The following CFAP299 variants were observed in gnomAD, a reference collection of about 807,000 sequenced individuals.
The protein encoded by CFAP299 is cilia- and flagella-associated protein 299.
Under a neutral mutation model 27.0 loss-of-function variants are expected in CFAP299, and 21 were observed. The observed-to-expected ratio is 0.78, with a 90% CI of 0.55 to 1.12. CFAP299 has a LOEUF of 1.12. Among genes scored for constraint, CFAP299 ranks in the 50% most tolerant of loss-of-function variants. The pLI, the probability that CFAP299 is intolerant of heterozygous loss-of-function variation, is 0.00. For synonymous variants in CFAP299, 104 were observed against 98.1 expected (o/e 1.06, Z -0.36); for missense variants, 310 against 276.6 (o/e 1.12, Z -0.86).
chr4:80,616,646 G>T (rs1170302280), intron 3 of CFAP299, among the ~76,000 whole-genome samples: 2 of 151,922 alleles, frequency 1.3e-5, no homozygotes, highest in Admixed American at 6.6e-5. Flanking sequence ...TTCCTGGGGG[G>T]CCCTAAGCAT....
intron 3 of CFAP299, among the ~76,000 whole-genome samples, chr4:80,800,209 TAA>T (rs1305519043): frequency 1.4e-5 from 1 of 73,744 alleles, no homozygotes. Context: ...ATATAATATA[TAA>T]TATATATTAT....
rs760438865 is a variant in CFAP299, at chr4:80,576,187, TAA to T, written c.243-6896_243-6895del. On this transcript the variant is annotated intron_variant, in intron 2 of 5. Transcript: ENST00000358105. ...TACCCTAGAACTTAAAGTATAATAA[TAA>T]AAAAAAAAATATATATATATATATA... Among the ~76,000 whole-genome samples, 283 of 142,092 alleles carry T rather than the reference TAA, an allele frequency of 2.0e-3. 1 individual carries two copies. The highest frequency in any genetic ancestry group is 6.3e-3 in the African/African-American group (247 of 39,062). The allele number at this position is 142,092 out of a possible 152,430, so 93.2% of individuals were successfully genotyped here.
At chr4:80,863,139 C>A (rs1732486186) in intron 3 of CFAP299, among the ~76,000 whole-genome samples, 4 of 151,670 alleles carry the variant, frequency 2.6e-5, no homozygotes, top group African/African-American at 9.7e-5. Context: ...CTTTGTTTGA[C>A]AGCTCTCATT....
At chr4:80,719,060 A>G (rs1243279555) in intron 3 of CFAP299, among the ~76,000 whole-genome samples, 2 of 152,068 alleles carry the variant, frequency 1.3e-5, no homozygotes, top group Non-Finnish European at 2.9e-5. Flanking sequence ...CAAATATCAC[A>G]TTTTCTTACT....
intron 4 of CFAP299, among the ~76,000 whole-genome samples, chr4:80,907,271 T>C (rs921446492): frequency 6.6e-6 from 1 of 152,192 alleles, no homozygotes; most frequent in Non-Finnish European, 1.5e-5. Context: ...ACTATCAGCA[T>C]TTTGGTCAAA....
intron 3 of CFAP299, among the ~76,000 whole-genome samples, chr4:80,666,206 GTAC>G (rs1741137295): frequency 6.6e-6 from 1 of 151,986 alleles, no homozygotes; most frequent in Non-Finnish European, 1.5e-5. Context: ...TACCTTAGGC[GTAC>G]TACTTCTCCA....
intron 3 of CFAP299, among the ~76,000 whole-genome samples, chr4:80,782,767 A>G (rs948788786): frequency 4.8e-5 from 7 of 145,938 alleles, no homozygotes; most frequent in Admixed American, 3.5e-4. Context: ...AATATATAAT[A>G]TATTCATATA....
chr4:80,790,814 A>G (rs1443747992), intron 3 of CFAP299, among the ~76,000 whole-genome samples: 1 of 152,094 alleles, frequency 6.6e-6, no homozygotes, highest in Non-Finnish European at 1.5e-5. Flanking sequence ...TGTTTGCTAA[A>G]TTTACCATGA....
In CFAP299 at chr4:80,504,462, C is replaced by CATATATATATATATATAT. The variant is rs56729877; in HGVS notation, c.243-78604_243-78587dup. On this transcript the variant is annotated intron_variant, in intron 2 of 5. Coordinates refer to ENST00000358105, the MANE Select transcript of CFAP299 (RefSeq NM_152770.3). ...TACTGAAATTTTGCTTAAAATCTCACATATATATATATATATATATATATA... is the reference window on the plus strand; with the variant it reads ...TACTGAAATTTTGCTTAAAATCTCACATATATATATATATATATATATATATATATATATATATATATA... Among the ~76,000 whole-genome samples, 4 of 37,776 alleles carry CATATATATATATATATAT rather than the reference C, an allele frequency of 1.1e-4. 1 individual carries two copies. The highest frequency in any genetic ancestry group is 2.0e-4 in the Non-Finnish European group (4 of 20,036). 24.8% of individuals were successfully genotyped at this position (37,776 alleles called of 152,430 possible).
At chr4:80,861,042 C>A (rs1304991145) in intron 3 of CFAP299, among the ~76,000 whole-genome samples, 2 of 152,216 alleles carry the variant, frequency 1.3e-5, no homozygotes. Context: ...GGCAGGCCTC[C>A]TTGAGCTGTG....
intron 3 of CFAP299, among the ~76,000 whole-genome samples, chr4:80,841,204 A>C (rs908285627): frequency 1.3e-5 from 2 of 152,164 alleles, no homozygotes; most frequent in Non-Finnish European, 2.9e-5. Flanking sequence ...TGGCATAAGG[A>C]ATCAGGGCAT....
intron 3 of CFAP299, among the ~76,000 whole-genome samples, chr4:80,812,261 T>G (rs1729192788): frequency 6.6e-6 from 1 of 152,070 alleles, no homozygotes; most frequent in Non-Finnish European, 1.5e-5. Context: ...TGCCATAGCT[T>G]CTCTGGCAGA....
At chr4:80,725,152 C>A (rs1041833291) in intron 3 of CFAP299, among the ~76,000 whole-genome samples, 2 of 99,006 alleles carry the variant, frequency 2.0e-5, no homozygotes, top group African/African-American at 4.1e-5. Context: ...GATGGGGTTT[C>A]ACCACGTTGG....
At chr4:80,418,129 A>G (rs1727106429) in intron 2 of CFAP299, among the ~76,000 whole-genome samples, 1 of 152,184 alleles carries the variant, frequency 6.6e-6, no homozygotes, top group Non-Finnish European at 1.5e-5. Context: ...CCAATTAGAA[A>G]GAGATTCTGG....
chr4:80,525,671 T>C (rs899815068), intron 2 of CFAP299, among the ~76,000 whole-genome samples: 1 of 152,170 alleles, frequency 6.6e-6, no homozygotes, highest in Non-Finnish European at 1.5e-5. Context: ...CTTGACTATC[T>C]CAGCGCCAGC....
chr4:80,396,927 A>G (rs186089717), intron 2 of CFAP299, among the ~76,000 whole-genome samples: 5 of 152,196 alleles, frequency 3.3e-5, no homozygotes, highest in African/African-American at 4.8e-5. Context: ...TCCTTTTTCT[A>G]TTGATTGGAA....
intron 4 of CFAP299, among the ~76,000 whole-genome samples, chr4:80,896,275 T>A (rs62302222): frequency 0.039 from 5,984 of 152,154 alleles, 173 homozygotes; most frequent in Non-Finnish European, 0.062. Context: ...TATTTTGTAA[T>A]ACACATGTAA....
chr4:80,620,794 G>A (rs1738554243), intron 3 of CFAP299, among the ~76,000 whole-genome samples: 1 of 152,040 alleles, frequency 6.6e-6, no homozygotes, highest in Non-Finnish European at 1.5e-5. Flanking sequence ...TCAAATTCTG[G>A]CATCTCTGTC....
intron 4 of CFAP299, among the ~76,000 whole-genome samples, chr4:80,918,019 CT>C (rs1340783168): frequency 6.6e-6 from 1 of 152,118 alleles, no homozygotes; most frequent in African/African-American, 2.4e-5. Context: ...AATTAAATTT[CT>C]TGTTCAACTC....
Sources: gnomAD v4.1 joint callset for allele counts (sites outside exome capture counted in the v4.1 genomes callset) on GRCh38, gnomAD v4.1.1 for gene constraint, MANE v1.5 for transcripts, NCBI Gene and HGNC (gene_info 2026-07-23, HGNC 2026-07-21) for gene names.